SH2D4B: variants seen among roughly 807,000 people sequenced by gnomAD.
The protein encoded by SH2D4B is SH2 domain containing 4B, also known as SH2 domain-containing protein 4B.
Under a neutral mutation model 61.5 loss-of-function variants are expected in SH2D4B, and 45 were observed. The observed-to-expected ratio is 0.73, with a 90% CI of 0.58 to 0.94. The LOEUF (loss-of-function observed/expected upper bound fraction) is 0.94. Ranked by LOEUF, SH2D4B falls within the 40% of genes least tolerant of loss-of-function variation. The pLI, the probability that SH2D4B is intolerant of heterozygous loss-of-function variation, is 0.00. For missense variants in SH2D4B, 572 were observed against 574.2 expected (o/e 1.00, Z 0.04); for synonymous variants, 224 against 220.4 (o/e 1.02, Z -0.14).
chr10:80,603,909 G>A, intron 5 of SH2D4B, 114 bp downstream of exon 5: 3 of 907,406 alleles, frequency 3.3e-6, no homozygotes, highest in Non-Finnish European at 4.9e-6. Context: ...TTTGGGGCTA[G>A]CATTTCCCCT....
intron 6 of SH2D4B, among the ~76,000 whole-genome samples, chr10:80,633,624 T>A (rs1173317183): frequency 1.3e-5 from 2 of 152,198 alleles, no homozygotes; most frequent in Non-Finnish European, 2.9e-5. Context: ...AGGGGATTGC[T>A]ACCAGCATAT....
chr10:80,632,121 T>C (rs1451445006), intron 6 of SH2D4B, among the ~76,000 whole-genome samples: 1 of 151,706 alleles, frequency 6.6e-6, no homozygotes, highest in Non-Finnish European at 1.5e-5. Context: ...GAGATAGTTG[T>C]CTCCACAAAA....
intron 1 of SH2D4B, among the ~76,000 whole-genome samples, chr10:80,555,670 G>A (rs1480374119): frequency 6.6e-6 from 1 of 152,164 alleles, no homozygotes; most frequent in African/African-American, 2.4e-5. Context: ...TAATATCTCT[G>A]CTGTGAACCG....
intron 1 of SH2D4B, among the ~76,000 whole-genome samples, chr10:80,550,309 A>T (rs547960205): frequency 1.0e-3 from 153 of 152,158 alleles, no homozygotes; most frequent in African/African-American, 3.5e-3. Context: ...AAGACACATC[A>T]TTGGCTGGGC....
intron 4 of SH2D4B, among the ~76,000 whole-genome samples, chr10:80,592,703 G>GTC (rs906606638): frequency 2.4e-4 from 34 of 144,566 alleles, no homozygotes; most frequent in African/African-American, 8.0e-4. Context: ...TCTGTACTCT[G>GTC]TCTCTCTGTC....
At chr10:80,610,004 GGGCAGGGT>G (rs1413258472) in intron 6 of SH2D4B, among the ~76,000 whole-genome samples, 1 of 152,192 alleles carries the variant, frequency 6.6e-6, no homozygotes, top group Admixed American at 6.5e-5. Flanking sequence ...TAGACTGTTA[GGGCAGGGT>G]GGCTCCTTGA....
chr10:80,571,588 C>A lies in SH2D4B; in HGVS notation c.495+10C>A, dbSNP rs748472506. 2 of 1,612,828 alleles carry A rather than the reference C, an allele frequency of 1.2e-6. No individual in the cohort carries two copies. Among genetic ancestry groups the A allele is most frequent in the Non-Finnish European group, 1.7e-6 (2 of 1,179,704 alleles). On this transcript the variant is annotated intron_variant, in intron 3 of 7. Coordinates refer to ENST00000646907, the MANE Select transcript of SH2D4B (RefSeq NM_001388272.1). ...CCACGAGGAATTCAAGGTGGGCCAG[C>A]GCATGGGGCCCCTGCGTGCGGCCAC...
chr10:80,594,492 G>A (rs1175831165), intron 4 of SH2D4B, among the ~76,000 whole-genome samples: 1 of 152,292 alleles, frequency 6.6e-6, no homozygotes, highest in South Asian at 2.1e-4. Flanking sequence ...GGTAATACTA[G>A]CCTCAAAGCA....
At chr10:80,583,176 G>A (rs12265354) in intron 3 of SH2D4B, among the ~76,000 whole-genome samples, 14,994 of 152,168 alleles carry the variant, frequency 0.099, 856 homozygotes, top group African/African-American at 0.17. Flanking sequence ...CAGAGCACAT[G>A]GGAAGAAAAT....
chr10:80,636,626 C>T (rs1300341415), intron 7 of SH2D4B, among the ~76,000 whole-genome samples: 1 of 152,106 alleles, frequency 6.6e-6, no homozygotes, highest in Non-Finnish European at 1.5e-5. Context: ...ATATCCTTTG[C>T]CCAATTTTTG....
In SH2D4B at chr10:80,642,036, G is replaced by A. The variant is rs182807747; in HGVS notation, c.1210-1957G>A. On this transcript the variant is annotated intron_variant, in intron 7 of 7. Coordinates refer to ENST00000646907, the MANE Select transcript of SH2D4B (RefSeq NM_001388272.1). ...ATCTTATCTAAGTATCTCCTGAGCA[G>A]TAACATAAAAACTTATGTATATAAG... Among the ~76,000 whole-genome samples, 5 of 152,282 alleles carry A rather than the reference G, an allele frequency of 3.3e-5. No individual in the cohort carries two copies. In the East Asian group the frequency reaches 7.7e-4, roughly 23 times the overall value.
In SH2D4B at chr10:80,608,345, G is replaced by C. The variant is rs551082964; in HGVS notation, c.861-1079G>C. Among the ~76,000 whole-genome samples the C allele has an allele frequency of 1.3e-3, 204 of 152,206 alleles. 1 individual carries two copies. The highest frequency in any genetic ancestry group is 4.8e-3 in the African/African-American group (199 of 41,536). Reference sequence around the variant, plus strand: ...GAGTTTAGATGAGGGAGCAGATCAGGCCAGACTGGTCTTGGCCTCCCAAAG... The same window carrying C: ...GAGTTTAGATGAGGGAGCAGATCAGCCCAGACTGGTCTTGGCCTCCCAAAG... On this transcript the variant is annotated intron_variant, in intron 5 of 7. Coordinates refer to ENST00000646907, the MANE Select transcript of SH2D4B (RefSeq NM_001388272.1).
At chr10:80,581,871 AG>A in intron 3 of SH2D4B, among the ~76,000 whole-genome samples, 1 of 152,166 alleles carries the variant, frequency 6.6e-6, no homozygotes, top group Non-Finnish European at 1.5e-5. Context: ...CCAGTGGGTC[AG>A]GGGTGGGTCC....
rs532946393 is a variant in SH2D4B, at chr10:80,538,425, C to T, written c.94C>T (p.Arg32Trp). 62 of 1,492,428 alleles carry T rather than the reference C, an allele frequency of 4.2e-5. No homozygotes were observed. The highest frequency in any genetic ancestry group is 2.0e-4 in the Middle Eastern group (1 of 5,076). 92.4% of individuals were successfully genotyped at this position (1,492,428 alleles called of 1,614,324 possible). A position where few individuals can be genotyped will look rare whatever the true frequency, so the allele number is the denominator to read the frequency against. The change falls in exon 1 of 8, where the codon CGG becomes TGG. Residue 32 changes from arginine to tryptophan, a missense_variant. Coordinates refer to ENST00000646907, the MANE Select transcript of SH2D4B (RefSeq NM_001388272.1). This position sits in a 1 kb window ranked among gnomAD's most constrained non-coding sequence, Gnocchi z 4.8. ...GAAGCACATCCTCTTCTACAAAATG[C>T]GGGAGGAGCAGCTGAGGCGCTGGAA... is the stretch of plus-strand genomic sequence containing the variant. ...VQKHILFYKM[R>W]EEQLRRWKER...
At chr10:80,628,984 C>A (rs1182376793) in intron 6 of SH2D4B, among the ~76,000 whole-genome samples, 3 of 149,924 alleles carry the variant, frequency 2.0e-5, no homozygotes, top group Admixed American at 6.7e-5. Context: ...GAGCCGAGAT[C>A]GTGTCACTGC....
chr10:80,591,534 T>C (rs1211003753), intron 4 of SH2D4B, among the ~76,000 whole-genome samples: 2 of 118,056 alleles, frequency 1.7e-5, no homozygotes, highest in Non-Finnish European at 3.3e-5. Context: ...TGAGTCGGAG[T>C]CTTGTTCTGT....
In SH2D4B at chr10:80,588,744, A is replaced by G. The variant is rs761495977; in HGVS notation, c.610A>G (p.Ser204Gly). The change falls in exon 4 of 8, where the codon AGT (serine) becomes GGT (glycine). Residue 204 changes from serine (S) to glycine (G), a missense_variant. Transcript: ENST00000646907. ...LKQAQLHCQA[S>G]EKEEREWEEQ... ...GCAGGCTCAGCTGCATTGCCAAGCC[A>G]GTGAGAAAGAGGAGCGAGAGTGGGA... 3 of 1,614,116 alleles carry G rather than the reference A, an allele frequency of 1.9e-6. No homozygotes were observed. Among genetic ancestry groups the G allele is most frequent in the Non-Finnish European group, 2.5e-6 (3 of 1,180,030 alleles).
At chr10:80,566,532 G>A (rs79246134) in intron 1 of SH2D4B, among the ~76,000 whole-genome samples, 7,791 of 152,100 alleles carry the variant, frequency 0.051, 628 homozygotes, top group African/African-American at 0.18. Context: ...CTGACCTCAG[G>A]TGATCTGCCC....
chr10:80,584,991 G>C (rs890212681), intron 3 of SH2D4B, among the ~76,000 whole-genome samples: 1 of 152,206 alleles, frequency 6.6e-6, no homozygotes, highest in East Asian at 1.9e-4. Flanking sequence ...GGTTGGATTG[G>C]GTTCTGGTGA....
Sources: allele counts gnomAD v4.1 joint callset (sites outside exome capture counted in the v4.1 genomes callset), GRCh38; gene constraint gnomAD v4.1.1; non-coding constraint Gnocchi (gnomAD v3.1); transcripts MANE v1.5; gene names NCBI Gene and HGNC (gene_info 2026-07-23, HGNC 2026-07-21).